XIRP2: variants seen among roughly 807,000 people sequenced by gnomAD.
The protein encoded by XIRP2 is xin actin binding repeat containing 2.
In XIRP2, 236 loss-of-function variants were observed where a neutral mutation model predicts 277.0. That is an observed-to-expected ratio of 0.85 (90% CI 0.77 to 0.95). XIRP2 has a LOEUF of 0.95. Among genes scored for constraint, XIRP2 ranks in the 40% least tolerant of loss-of-function variants. XIRP2 has a pLI of 0.00. For synonymous variants in XIRP2, 1,490 were observed against 1,416.5 expected (o/e 1.05, Z -1.17); for missense variants, 4,640 against 4,157.5 (o/e 1.12, Z -3.19).
intron 2 of XIRP2, among the ~76,000 whole-genome samples, chr2:167,067,711 G>T (rs1390214028): frequency 3.3e-5 from 5 of 152,178 alleles, no homozygotes; most frequent in Admixed American, 3.3e-4. Context: ...CTAGCTCGAT[G>T]CAGGGTTGCC....
chr2:167,024,113 G>A (rs1331021931), intron 2 of XIRP2, among the ~76,000 whole-genome samples: 1 of 115,490 alleles, frequency 8.7e-6, no homozygotes, highest in Non-Finnish European at 1.6e-5. Flanking sequence ...CCATTTGTTT[G>A]TATCCTTTAT....
At chr2:167,021,484 T>G (rs1275732142) in intron 2 of XIRP2, among the ~76,000 whole-genome samples, 2 of 152,150 alleles carry the variant, frequency 1.3e-5, no homozygotes. Context: ...ACTTTTGGTA[T>G]ACTACTTTCA....
intron 5 of XIRP2, among the ~76,000 whole-genome samples, chr2:167,220,788 A>G (rs1285126518): frequency 6.6e-6 from 1 of 152,238 alleles, no homozygotes; most frequent in Non-Finnish European, 1.5e-5. Flanking sequence ...AGTTCTCAGC[A>G]TATGGTTTTC....
intron 2 of XIRP2, among the ~76,000 whole-genome samples, chr2:167,081,551 TAGTC>T (rs150668143): frequency 0.014 from 2,146 of 152,300 alleles, 57 homozygotes; most frequent in African/African-American, 0.05. Flanking sequence ...GTTTGTAAAA[TAGTC>T]AGATTAATTA....
At chr2:166,976,566 C>A (rs1200863083) in intron 2 of XIRP2, among the ~76,000 whole-genome samples, 1 of 152,172 alleles carries the variant, frequency 6.6e-6, no homozygotes, top group African/African-American at 2.4e-5. Flanking sequence ...TCATTCCCTA[C>A]TTAATACCTG....
At chr2:167,005,421 C>T (rs1448075757) in intron 2 of XIRP2, among the ~76,000 whole-genome samples, 1 of 151,804 alleles carries the variant, frequency 6.6e-6, no homozygotes, top group African/African-American at 2.4e-5. Context: ...CCAACATGTA[C>T]AGATGAAGAA....
chr2:167,132,063 A>G (rs1317195395), intron 2 of XIRP2, among the ~76,000 whole-genome samples: 1 of 151,818 alleles, frequency 6.6e-6, no homozygotes, highest in African/African-American at 2.4e-5. Context: ...TCCATGACCA[A>G]GCTTTGAAAG....
intron 5 of XIRP2, among the ~76,000 whole-genome samples, chr2:167,225,839 C>T (rs1382951409): frequency 6.6e-6 from 1 of 152,086 alleles, no homozygotes; most frequent in Non-Finnish European, 1.5e-5. Flanking sequence ...TCTGTTTATC[C>T]TCTACAGCTC....
At chr2:167,146,507 A>G (rs770799031) in intron 3 of XIRP2, among the ~76,000 whole-genome samples, 15 of 151,636 alleles carry the variant, frequency 9.9e-5, no homozygotes, top group Admixed American at 3.3e-4. Flanking sequence ...TCTCAAAAAA[A>G]AAAGAAAGAA....
intron 3 of XIRP2, among the ~76,000 whole-genome samples, chr2:167,190,907 G>A (rs576898019): frequency 6.6e-6 from 1 of 152,060 alleles, no homozygotes; most frequent in Non-Finnish European, 1.5e-5. Context: ...ATGTTCCAAA[G>A]ATAAAAGAAA....
intron 2 of XIRP2, among the ~76,000 whole-genome samples, chr2:167,130,600 T>C (rs2105313296): frequency 6.6e-6 from 1 of 152,254 alleles, no homozygotes; most frequent in Admixed American, 6.5e-5. Flanking sequence ...GGTTCTTTAG[T>C]TTCACCAAGA....
rs57577354 is a variant in XIRP2 at position 166,975,111 on chromosome 2, AT to A, written c.408+71222del. The stretch of plus-strand genomic sequence containing the variant: ...AATACATAAATAAGACACAAAAATT[AT>A]AAATACATATTACCTAATAAAAGAA... On this transcript the variant is annotated intron_variant, in intron 2 of 10. Coordinates refer to ENST00000409195, the MANE Select transcript of XIRP2 (RefSeq NM_152381.6). Among the ~76,000 whole-genome samples, 490 of 152,314 alleles carry A rather than the reference AT, an allele frequency of 3.2e-3. 4 individuals are homozygous for A. Among genetic ancestry groups the A allele is most frequent in the African/African-American group, 0.011 (465 of 41,584 alleles).
intron 2 of XIRP2, among the ~76,000 whole-genome samples, chr2:167,076,325 C>T (rs997041990): frequency 6.6e-6 from 1 of 152,156 alleles, no homozygotes; most frequent in Non-Finnish European, 1.5e-5. Flanking sequence ...AATGCTAATA[C>T]ATCAAGCTTA....
At chr2:167,118,530 A>AAAATG (rs1690962496) in intron 2 of XIRP2, among the ~76,000 whole-genome samples, 1 of 150,740 alleles carries the variant, frequency 6.6e-6, no homozygotes, top group Non-Finnish European at 1.5e-5. Flanking sequence ...AAAATAAAAT[A>AAAATG]AAATAGCTTG....
chr2:166,996,496 G>T (rs779870204), intron 2 of XIRP2, among the ~76,000 whole-genome samples: 55 of 152,192 alleles, frequency 3.6e-4, no homozygotes, highest in Admixed American at 6.5e-4. Context: ...GCGTGGTGAT[G>T]CACGCCTGTA....
rs1390617682 is a variant in XIRP2 at position 167,242,762 on chromosome 2, C to A, written c.1370C>A (p.Pro457His). 7.4e-6 allele frequency: 12 copies of A among 1,613,960 alleles called. No homozygotes were observed. In the African/African-American group the frequency reaches 1.6e-4, roughly 22 times the overall value. ...ACAGAAGAATTTCCTCCTCCCCCAC[C>A]TGACGTACTTCAAACTTCAGTAGAT... ...GMTEEFPPPP[P>H]DVLQTSVDVT... Residue 457 changes from proline to histidine, a missense_variant, in exon 9 of 11, where the codon CCT becomes CAT. Transcript: ENST00000409195.
At chr2:167,005,306 C>T (rs12105829) in intron 2 of XIRP2, among the ~76,000 whole-genome samples, 2,095 of 151,932 alleles carry the variant, frequency 0.014, 49 homozygotes, top group African/African-American at 0.046. Flanking sequence ...TAGCCTAGGA[C>T]ATCTTTTATC....
chr2:167,237,945 C>A (rs890597316), intron 5 of XIRP2, among the ~76,000 whole-genome samples: 5 of 152,170 alleles, frequency 3.3e-5, no homozygotes, highest in African/African-American at 1.2e-4. Flanking sequence ...TTATTGCTGT[C>A]TCTAGCATAA....
At chr2:167,221,060 T>A (rs899934618) in intron 5 of XIRP2, among the ~76,000 whole-genome samples, 1 of 152,118 alleles carries the variant, frequency 6.6e-6, no homozygotes, top group African/African-American at 2.4e-5. Context: ...TGAATAAAGT[T>A]AAGCCATAAT....
Sources: allele counts gnomAD v4.1 joint callset (sites outside exome capture counted in the v4.1 genomes callset), GRCh38; gene constraint gnomAD v4.1.1; transcripts MANE v1.5; gene names NCBI Gene and HGNC (gene_info 2026-07-23, HGNC 2026-07-21).